The following MLLT10 variants were observed in gnomAD, a reference collection of about 807,000 sequenced individuals.
MLLT10 encodes MLLT10 histone lysine methyltransferase DOT1L cofactor.
A neutral mutation model predicts 129.1 loss-of-function variants in MLLT10; 30 were observed. The ratio of observed to expected loss-of-function variants is 0.23; its 90% CI spans 0.17 to 0.32. The LOEUF (loss-of-function observed/expected upper bound fraction) is 0.32. MLLT10 is among the 10% of genes least tolerant of loss of function. The probability of loss-of-function intolerance (pLI) is 1.00; values close to 1 mark genes in which losing one functional copy is unlikely to be tolerated. For missense variants in MLLT10, 1,119 were observed against 1,268.3 expected (o/e 0.88, Z 1.79); for synonymous variants, 490 against 446.4 (o/e 1.10, Z -1.23).
chr10:21,686,359 T>C (rs2053292945), intron 13 of MLLT10, among the ~76,000 whole-genome samples: 1 of 152,150 alleles, frequency 6.6e-6, no homozygotes, highest in African/African-American at 2.4e-5. Flanking sequence ...ATATCTTTCC[T>C]TACTTTTCTG....
intron 8 of MLLT10, among the ~76,000 whole-genome samples, chr10:21,640,196 ATATT>A (rs1028884849): frequency 5.5e-5 from 8 of 144,230 alleles, no homozygotes; most frequent in East Asian, 2.0e-4. Context: ...TTATTATATA[ATATT>A]TATATATTAT....
At chr10:21,612,895 T>C (rs1223993766) in intron 6 of MLLT10, among the ~76,000 whole-genome samples, 2 of 152,142 alleles carry the variant, frequency 1.3e-5, no homozygotes, top group African/African-American at 2.4e-5. Flanking sequence ...CAAAAACTTA[T>C]TTAAGATACT....
chr10:21,569,360 T>G (rs1338911565), intron 3 of MLLT10, among the ~76,000 whole-genome samples: 1 of 151,862 alleles, frequency 6.6e-6, no homozygotes, highest in African/African-American at 2.4e-5. Context: ...TGGGCTCAAA[T>G]GATCCTCCCA....
At position 21,614,834 on chromosome 10, in the gene MLLT10, T is replaced by G; in HGVS notation, c.513T>G (p.Ala171=). 1 of 1,611,188 alleles carries G rather than the reference T, an allele frequency of 6.2e-7. No homozygotes were observed. Among genetic ancestry groups the G allele is most frequent in the East Asian group, 2.2e-5 (1 of 44,816 alleles). Residue 171 remains alanine (A), a synonymous_variant, in exon 7 of 23, where the codon GCT becomes GCG. Transcript: ENST00000307729. The part of the protein sequence containing the change: ...GCRQAFHVTC[A]QFAGLLCEEE... ...TATACTTGGCTTTTATTTTCAGCGC[T>G]CAGTTTGCCGGACTGCTTTGTGAAG...
At chr10:21,535,817 A>G (rs1177357847) in intron 2 of MLLT10, among the ~76,000 whole-genome samples, 1 of 152,234 alleles carries the variant, frequency 6.6e-6, no homozygotes, top group African/African-American at 2.4e-5. Flanking sequence ...AACATCTGCT[A>G]AAGTGCATTT....
At position 21,604,624 on chromosome 10, in the gene MLLT10, A is replaced by G. The variant is rs376663480; in HGVS notation, c.406-7724A>G. ...AATAACTTCTATTTCTAAAGCTGTG[A>G]TACATAGAAAACAAGTTATCTGTTT... On this transcript the variant is annotated intron_variant, in intron 5 of 22. Transcript: ENST00000307729. Among the ~76,000 whole-genome samples the G allele has an allele frequency of 3.3e-5, 5 of 152,326 alleles. No individual in the cohort carries two copies. The East Asian group carries it at 7.7e-4, about 23-fold the overall frequency.
intron 13 of MLLT10, among the ~76,000 whole-genome samples, chr10:21,697,637 T>C (rs989012712): frequency 6.6e-6 from 1 of 152,204 alleles, no homozygotes; most frequent in Non-Finnish European, 1.5e-5. Context: ...CACCAAATAG[T>C]TAACACTTGC....
chr10:21,682,107 A>C (rs1376022888), intron 12 of MLLT10, 118 bp from the exon 13 acceptor site: 2 of 700,480 alleles, frequency 2.9e-6, no homozygotes, highest in East Asian at 6.1e-5. Context: ...TGATTCAAAC[A>C]ATGATATATG....
At chr10:21,649,120 G>C (rs1347017657) in intron 8 of MLLT10, among the ~76,000 whole-genome samples, 3 of 152,130 alleles carry the variant, frequency 2.0e-5, no homozygotes, top group Non-Finnish European at 4.4e-5. Flanking sequence ...CTGTCACCCA[G>C]GTTGGAGTGC....
At chr10:21,633,549 G>A (rs1013279764) in intron 8 of MLLT10, among the ~76,000 whole-genome samples, 1 of 152,030 alleles carries the variant, frequency 6.6e-6, no homozygotes, top group Non-Finnish European at 1.5e-5. Context: ...AAAATAAGCT[G>A]GGCATGGTGG....
intron 9 of MLLT10, among the ~76,000 whole-genome samples, chr10:21,669,466 AT>A (rs922431809): frequency 1.1e-4 from 17 of 152,212 alleles, no homozygotes; most frequent in Admixed American, 2.6e-4. Context: ...ATATTTTCAG[AT>A]TTTTTTCATT....
intron 8 of MLLT10, among the ~76,000 whole-genome samples, chr10:21,633,989 C>G (rs2047231093): frequency 6.6e-6 from 1 of 152,054 alleles, no homozygotes; most frequent in Admixed American, 6.6e-5. Context: ...AAAATAGTCC[C>G]AGCACTTTGG....
intron 3 of MLLT10, among the ~76,000 whole-genome samples, chr10:21,569,358 A>C (rs2039950451): frequency 6.6e-6 from 1 of 151,136 alleles, no homozygotes; most frequent in Non-Finnish European, 1.5e-5. Flanking sequence ...CCTGGGCTCA[A>C]ATGATCCTCC....
At chr10:21,737,216 T>C (rs1049888764) in intron 21 of MLLT10, among the ~76,000 whole-genome samples, 2 of 56,608 alleles carry the variant, frequency 3.5e-5, no homozygotes, top group African/African-American at 2.0e-4. Context: ...AAAGGTTGTC[T>C]AGAGGCTTTT....
At chr10:21,732,107 G>A (rs1049613475) in intron 17 of MLLT10, among the ~76,000 whole-genome samples, 4 of 152,148 alleles carry the variant, frequency 2.6e-5, no homozygotes, top group African/African-American at 7.2e-5. Context: ...CATGGGAAAC[G>A]GCCAGATGTG....
chr10:21,724,253 A>G (rs1006070230), intron 14 of MLLT10, among the ~76,000 whole-genome samples: 2 of 152,268 alleles, frequency 1.3e-5, no homozygotes, highest in African/African-American at 4.8e-5. Context: ...CTTTGAGATA[A>G]TAGAAAGCAA....
intron 14 of MLLT10, among the ~76,000 whole-genome samples, chr10:21,724,969 CTT>C (rs1167607941): frequency 6.6e-6 from 1 of 152,148 alleles, no homozygotes; most frequent in Non-Finnish European, 1.5e-5. Flanking sequence ...AAGACAGTGC[CTT>C]ATATGGGGTC....
intron 13 of MLLT10, among the ~76,000 whole-genome samples, chr10:21,689,079 T>C (rs2053570396): frequency 6.6e-6 from 1 of 152,086 alleles, no homozygotes; most frequent in South Asian, 2.1e-4. Flanking sequence ...ATAAAGCTAA[T>C]TTTATAGGCT....
intron 9 of MLLT10, 131 bp downstream of exon 9, chr10:21,651,899 A>ATTTTTTTTTTTT (rs2049070282): frequency 5.4e-6 from 1 of 185,368 alleles, no homozygotes; most frequent in African/African-American, 3.9e-5. Flanking sequence ...TAGAATTCTC[A>ATTTTTTTTTTTT]TTTCTTTTTT....
Sources: gnomAD v4.1 joint callset for allele counts (sites outside exome capture counted in the v4.1 genomes callset) on GRCh38, gnomAD v4.1.1 for gene constraint, MANE v1.5 for transcripts, NCBI Gene and HGNC (gene_info 2026-07-23, HGNC 2026-07-21) for gene names.